The following SNED1 variants were observed in gnomAD, a reference collection of about 807,000 sequenced individuals.
SNED1 encodes the protein sushi, nidogen and EGF-like domain-containing protein 1.
In SNED1, 81 loss-of-function variants were observed where a neutral mutation model predicts 166.7. The ratio of observed to expected loss-of-function variants is 0.49; its 90% CI spans 0.41 to 0.58. The LOEUF is 0.58. Ranked by LOEUF, SNED1 falls within the 20% of genes least tolerant of loss-of-function variation. SNED1 has a pLI of 0.00. For missense variants in SNED1, 1,604 were observed against 2,000.2 expected (o/e 0.80, Z 3.78); for synonymous variants, 762 against 822.0 (o/e 0.93, Z 1.25).
chr2:241,063,835 G>T, intron 18 of SNED1, 135 bp downstream of exon 18: 1 of 794,090 alleles, frequency 1.3e-6, no homozygotes, highest in Non-Finnish European at 2.0e-6. Flanking sequence ...CGGCCACCTT[G>T]GGAGGGAGGG....
chr2:241,089,262 C>A, intron 31 of SNED1: 1 of 1,533,034 alleles, frequency 6.5e-7, no homozygotes, highest in East Asian at 2.5e-5. Context: ...GCTCTTCCTG[C>A]CCCTTATAGG....
At chr2:241,035,282 C>T (rs2061312434) in intron 4 of SNED1, among the ~76,000 whole-genome samples, 1 of 152,140 alleles carries the variant, frequency 6.6e-6, no homozygotes, top group African/African-American at 2.4e-5. Flanking sequence ...GCTTGACAAA[C>T]CCAAGCATCA....
At position 241,047,861 on chromosome 2, in the gene SNED1, GCT is replaced by G. The variant is rs1256199217; in HGVS notation, c.1274-453_1274-452del. Among the ~76,000 whole-genome samples, 18 of 151,964 alleles carry G rather than the reference GCT, an allele frequency of 1.2e-4. No individual in the cohort carries two copies. In the East Asian group the frequency reaches 2.9e-3, roughly 25 times the overall value. ...TTCTTGTTCTGTCCAATCCCGGGTG[GCT>G]TCTCTGGTGCTTCTTGTTCTGTCCA... On this transcript the variant is annotated intron_variant, in intron 8 of 31. Transcript: ENST00000310397.
At position 241,068,059 on chromosome 2, in the gene SNED1, C is replaced by T. The variant is rs1362645366; in HGVS notation, c.3194+112C>T. ...TCCGTGTGTGGACTGTACCACCTGC[C>T]GCTCCTCACCTGAGCGGAGACAAAG... On this transcript the variant is annotated intron_variant, in intron 22 of 31. Transcript: ENST00000310397. This position sits in a 1 kb window ranked among gnomAD's most constrained non-coding sequence, Gnocchi z 5.3. 20 of 996,296 alleles carry T rather than the reference C, an allele frequency of 2.0e-5. No homozygotes were observed. The highest frequency in any genetic ancestry group is 2.6e-5 in the Non-Finnish European group (18 of 681,538). 61.7% of individuals were successfully genotyped at this position (996,296 alleles called of 1,614,324 possible).
rs866245226 is a variant in SNED1 at position 241,093,799 on chromosome 2, T to G, written c.*2163T>G. 6.6e-6 allele frequency: 1 copy of G among 152,468 alleles called. No individual in the cohort carries two copies. The highest frequency in any genetic ancestry group is 2.4e-5 in the African/African-American group (1 of 41,472). The allele number at this position is 152,468 out of a possible 1,614,324, so 9.4% of individuals were successfully genotyped here. ...CCACCACAGCTTTTCCCATGTGGCT[T>G]CTTTTAAAAACTCAAATGGCTTCCT... On this transcript the variant is annotated 3_prime_UTR_variant, in exon 32 of 32. Transcript: ENST00000310397.
intron 1 of SNED1, among the ~76,000 whole-genome samples, chr2:241,002,697 G>A (rs1008467035): frequency 2.6e-5 from 4 of 152,102 alleles, no homozygotes; most frequent in African/African-American, 9.7e-5. Flanking sequence ...GTCATGCCCA[G>A]TGCAGATGAG....
chr2:241,070,991 C>T (rs1261559013), intron 24 of SNED1, among the ~76,000 whole-genome samples: 2 of 152,194 alleles, frequency 1.3e-5, no homozygotes, highest in South Asian at 2.1e-4. Flanking sequence ...CCCAACCCTG[C>T]CACCCCCACC....
At chr2:241,087,169 T>A (rs2063624972) in intron 29 of SNED1, 2 of 510,730 alleles carry the variant, frequency 3.9e-6, no homozygotes, top group South Asian at 6.8e-5. Context: ...TAAAATGGGT[T>A]TATTTTATGC....
At chr2:241,045,274 C>T (rs1296077250) in intron 8 of SNED1, among the ~76,000 whole-genome samples, 1 of 152,150 alleles carries the variant, frequency 6.6e-6, no homozygotes, top group African/African-American at 2.4e-5. Context: ...GAGGTCTCAG[C>T]AGAATCTTTT....
chr2:241,079,805 C>CT (rs1226148960), intron 27 of SNED1, among the ~76,000 whole-genome samples: 1 of 152,080 alleles, frequency 6.6e-6, no homozygotes, highest in Non-Finnish European at 1.5e-5. Flanking sequence ...GGAATATGGT[C>CT]TAAGGATAAA....
chr2:241,048,836 TC>T (rs2061742749), intron 10 of SNED1, 70 bp downstream of exon 10: 1 of 1,364,038 alleles, frequency 7.3e-7, no homozygotes, highest in Admixed American at 2.0e-5. Flanking sequence ...AATGGTGGCT[TC>T]GGCCGGGGTC....
At chr2:241,057,382 T>A (rs1166314177) in intron 16 of SNED1, among the ~76,000 whole-genome samples, 35 of 35,270 alleles carry the variant, frequency 9.9e-4, no homozygotes, top group African/African-American at 2.3e-3. Context: ...CATCTCAAAA[T>A]ATATATATAT....
At chr2:241,057,568 C>T (rs529301914) in intron 16 of SNED1, among the ~76,000 whole-genome samples, 8 of 151,662 alleles carry the variant, frequency 5.3e-5, no homozygotes, top group Non-Finnish European at 1.2e-4. Context: ...CCTGTAGTCC[C>T]AACTACTCAA....
At chr2:241,058,351 T>C (rs1224441915) in intron 16 of SNED1, among the ~76,000 whole-genome samples, 2 of 152,016 alleles carry the variant, frequency 1.3e-5, no homozygotes, top group African/African-American at 4.8e-5. Flanking sequence ...ATTTCAAACT[T>C]GATTAATTAA....
At chr2:241,048,161 T>A (rs997044483) in intron 8 of SNED1, among the ~76,000 whole-genome samples, 154 bp from the exon 9 acceptor site, 2 of 152,268 alleles carry the variant, frequency 1.3e-5, no homozygotes, top group African/African-American at 4.8e-5. Flanking sequence ...GCAGCGCAGC[T>A]ACAAATCCAT....
intron 16 of SNED1, among the ~76,000 whole-genome samples, chr2:241,058,613 A>T (rs1327230498): frequency 6.6e-6 from 1 of 152,226 alleles, no homozygotes; most frequent in African/African-American, 2.4e-5. Context: ...AAAGACAGAT[A>T]CAGAGAAAGA....
Position 241,071,736 on chromosome 2 carries a change from A to G in SNED1, c.3734+16A>G, listed in dbSNP as rs6760731. On this transcript the variant is annotated intron_variant, in intron 25 of 31. Transcript: ENST00000310397. The stretch of plus-strand genomic sequence containing the variant: ...AGCCCCCCAGGTACATGCCCCACCC[A>G]TCGGCCCCATCGCCCGAGGCGGCGC... The G allele has an allele frequency of 1, 1,509,420 of 1,510,206 alleles. 754,317 individuals carry two copies. The highest frequency in any genetic ancestry group is 1 in the Middle Eastern group (5,686 of 5,686). 93.6% of individuals were successfully genotyped at this position (1,510,206 alleles called of 1,614,324 possible).
At position 241,069,117 on chromosome 2, in the gene SNED1, CA is replaced by C. The variant is rs1384412478; in HGVS notation, c.3307+95del. The C allele has an allele frequency of 4.9e-6, 4 of 823,516 alleles. No homozygotes were observed. The highest frequency in any genetic ancestry group is 7.4e-6 in the Non-Finnish European group (4 of 537,208). 51.0% of individuals were successfully genotyped at this position (823,516 alleles called of 1,614,324 possible). A position where few individuals can be genotyped will look rare whatever the true frequency, so the allele number is the denominator to read the frequency against. ...CTCCCCTAGTCCTCTCCAAAGCGTC[CA>C]CAACACCAGAAACCCAGCCCCTGGC... On this transcript the variant is annotated intron_variant, in intron 23 of 31. Transcript: ENST00000310397. This position sits in a 1 kb window ranked among gnomAD's most constrained non-coding sequence, Gnocchi z 4.9.
At chr2:241,014,621 G>A (rs533784329) in intron 1 of SNED1, among the ~76,000 whole-genome samples, 2 of 152,004 alleles carry the variant, frequency 1.3e-5, no homozygotes, top group Non-Finnish European at 2.9e-5. Flanking sequence ...CTTCTTTCTC[G>A]CCGATTCGTG....
Sources: allele counts gnomAD v4.1 joint callset (sites outside exome capture counted in the v4.1 genomes callset), GRCh38; gene constraint gnomAD v4.1.1; non-coding constraint Gnocchi (gnomAD v3.1); transcripts MANE v1.5; gene names NCBI Gene and HGNC (gene_info 2026-07-23, HGNC 2026-07-21).